CPZ: variants seen among roughly 807,000 people sequenced by gnomAD.
CPZ encodes the protein VEZT/CPZ fusion.
A neutral mutation model predicts 61.8 loss-of-function variants in CPZ; 103 were observed. That is an observed-to-expected ratio of 1.67 (90% confidence interval 1.42 to 1.96). CPZ has a LOEUF of 1.96. CPZ is among the 30% of genes most tolerant of loss of function. CPZ has a pLI of 0.00. For missense variants in CPZ, 1,461 were observed against 914.9 expected (o/e 1.60, Z -7.70); for synonymous variants, 551 against 373.7 (o/e 1.47, Z -5.47).
At chr4:8,605,634 T>TATCCATCCATCCATCCACCC (rs953384114) in intron 4 of CPZ, among the ~76,000 whole-genome samples, 1 of 148,570 alleles carries the variant, frequency 6.7e-6, no homozygotes, top group South Asian at 2.1e-4. Flanking sequence ...ATCATTGATA[T>TATCCATCCATCCATCCACCC]ATCCATTCAT....
intron 7 of CPZ, among the ~76,000 whole-genome samples, chr4:8,610,694 G>A (rs918540114): frequency 2.6e-5 from 4 of 152,210 alleles, no homozygotes; most frequent in African/African-American, 4.8e-5. Context: ...CCTGCTATGA[G>A]GCAGGGCAGG....
rs749829009 is a variant in CPZ, at chr4:8,606,763, C to T, written c.933C>T (p.Ser311=). Residue 311 remains serine (S), a synonymous_variant, in exon 6 of 11, where the codon AGC becomes AGT. Coordinates refer to ENST00000360986, the MANE Select transcript of CPZ (RefSeq NM_001014447.3). ...AEGAGYNGWT[S]GRQNAQNLDL... ...GTGCCGGCTACAACGGGTGGACGAG[C>T]GGGAGGCAGAACGCGCAGAACCTGG... 7.4e-6 allele frequency: 12 copies of T among 1,614,020 alleles called. No individual in the cohort carries two copies. The highest frequency in any genetic ancestry group is 4.0e-5 in the African/African-American group (3 of 74,934).
In CPZ at chr4:8,612,028, T is replaced by C. The variant is rs1027714847; in HGVS notation, c.1229T>C (p.Met410Thr). 3.1e-6 allele frequency: 5 copies of C among 1,613,940 alleles called. No individual in the cohort carries two copies. In the South Asian group the frequency reaches 4.4e-5, roughly 14 times the overall value. Reference protein sequence around the residue: ...KMFSPTPDEKMFKLLSRAYAD... With the variant: ...KMFSPTPDEKTFKLLSRAYAD... ...ATCTGAGCCAGGTTTCTTTTCCAGATGTTCAAGCTGCTGTCCAGAGCCTAC... is the reference window on the plus strand; with the variant it reads ...ATCTGAGCCAGGTTTCTTTTCCAGACGTTCAAGCTGCTGTCCAGAGCCTAC... The change falls in exon 8 of 11, where the codon ATG (methionine) becomes ACG (threonine). Residue 410 changes from methionine (M) to threonine (T), a missense_variant and splice_region_variant. Physicochemically the swap from Met to Thr is moderately conservative, Grantham distance 81 (BLOSUM62 -1). Coordinates refer to ENST00000360986, the MANE Select transcript of CPZ (RefSeq NM_001014447.3).
chr4:8,600,536 A>C (rs1714497290), intron 2 of CPZ, among the ~76,000 whole-genome samples: 1 of 152,124 alleles, frequency 6.6e-6, no homozygotes, highest in Non-Finnish European at 1.5e-5. Context: ...GGAGCTAAAC[A>C]AACAGCTGTG....
chr4:8,605,984 C>T lies in CPZ; in HGVS notation c.710-5C>T, dbSNP rs759442100. On this transcript the variant is annotated splice_polypyrimidine_tract_variant and splice_region_variant and intron_variant, in intron 4 of 10. Transcript: ENST00000360986. Reference sequence around the variant, plus strand: ...GATGCCCCAAGTCTCTGTATTTGCCCCCAGTGGAGCCCGAGGTGAAGCTCA... The same window carrying T: ...GATGCCCCAAGTCTCTGTATTTGCCTCCAGTGGAGCCCGAGGTGAAGCTCA... 3 of 1,611,306 alleles carry T rather than the reference C, an allele frequency of 1.9e-6. No individual in the cohort carries two copies. Among genetic ancestry groups the T allele is most frequent in the Non-Finnish European group, 2.5e-6 (3 of 1,177,586 alleles).
At chr4:8,618,988 G>A (rs1371470628) in intron 10 of CPZ, among the ~76,000 whole-genome samples, 2 of 152,132 alleles carry the variant, frequency 1.3e-5, no homozygotes, top group African/African-American at 4.8e-5. Flanking sequence ...CCAGAGAAGA[G>A]GGGGACTTTT....
Position 8,604,197 on chromosome 4 carries a change from C to G in CPZ, c.709+9C>G. 3 of 1,531,838 alleles carry G rather than the reference C, an allele frequency of 2.0e-6. No homozygotes were observed. Among genetic ancestry groups the G allele is most frequent in the Non-Finnish European group, 2.6e-6 (3 of 1,133,646 alleles). 94.9% of individuals were successfully genotyped at this position (1,531,838 alleles called of 1,614,324 possible). ...CGGCCAGCACGAGCTGAGTGAGTGC[C>G]CTTGGGAGAGCCTGGCCTGGCCCCG... On this transcript the variant is annotated intron_variant, in intron 4 of 10. Transcript: ENST00000360986.
chr4:8,618,395 C>T (rs552297031), intron 9 of CPZ, 34 bp from the exon 10 acceptor site: 19 of 1,598,824 alleles, frequency 1.2e-5, no homozygotes, highest in African/African-American at 5.4e-5. Context: ...GGAGAGCTCA[C>T]GCCATCTCCC....
At chr4:8,609,124 T>TCACTCATTTACTCATTCACC (rs1715347370) in intron 7 of CPZ, among the ~76,000 whole-genome samples, 1 of 16,794 alleles carries the variant, frequency 6.0e-5, no homozygotes, top group Admixed American at 7.7e-4. Context: ...ACTCCCTCAC[T>TCACTCATTTACTCATTCACC]CATTCACTCA....
At chr4:8,607,029 G>C in intron 6 of CPZ, 131 bp downstream of exon 6, 1 of 1,179,688 alleles carries the variant, frequency 8.5e-7, no homozygotes, top group Non-Finnish European at 1.2e-6. Context: ...TCAGTTACCT[G>C]TCTGTGAAAT....
At chr4:8,600,131 TA>T (rs1714464252) in intron 2 of CPZ, among the ~76,000 whole-genome samples, 1 of 152,230 alleles carries the variant, frequency 6.6e-6, no homozygotes, top group African/African-American at 2.4e-5. Flanking sequence ...TATTTTATTT[TA>T]TTTTTTATTT....
At chr4:8,615,573 C>G (rs1716094461) in intron 9 of CPZ, among the ~76,000 whole-genome samples, 1 of 152,244 alleles carries the variant, frequency 6.6e-6, no homozygotes, top group Admixed American at 6.5e-5. Flanking sequence ...GCAGCCGGTT[C>G]TGACACCAGG....
At chr4:8,610,958 C>T (rs1298933652) in intron 7 of CPZ, among the ~76,000 whole-genome samples, 1 of 152,234 alleles carries the variant, frequency 6.6e-6, no homozygotes, top group African/African-American at 2.4e-5. Context: ...TTCACTCTGG[C>T]CTGGAGCAAT....
chr4:8,596,630 T>G (rs1018913976), intron 1 of CPZ, among the ~76,000 whole-genome samples: 1 of 152,240 alleles, frequency 6.6e-6, no homozygotes, highest in Non-Finnish European at 1.5e-5. Context: ...TGATGGATCC[T>G]CCAACAGCCC....
At chr4:8,606,252 G>A (rs989827986) in intron 5 of CPZ, 67 bp downstream of exon 5, 12 of 1,465,004 alleles carry the variant, frequency 8.2e-6, no homozygotes, top group African/African-American at 5.6e-5. Context: ...ATCCATTTAT[G>A]AGTAGTTTAT....
In CPZ at chr4:8,604,184, G is replaced by C. The variant is rs747532182; in HGVS notation, c.705G>C (p.Glu235Asp). ...IEFSSRPGQH[E>D]LMEPEVKLIG... ...TCTCCAGCCGCCCCGGCCAGCACGAGCTGAGTGAGTGCCCTTGGGAGAGCC... is the reference window on the plus strand; with the variant it reads ...TCTCCAGCCGCCCCGGCCAGCACGACCTGAGTGAGTGCCCTTGGGAGAGCC... The change falls in exon 4 of 11, where the codon GAG becomes GAC. Residue 235 changes from glutamate to aspartate, a missense_variant. Coordinates refer to ENST00000360986, the MANE Select transcript of CPZ (RefSeq NM_001014447.3). 7.7e-6 allele frequency: 12 copies of C among 1,550,578 alleles called. No individual in the cohort carries two copies. The highest frequency in any genetic ancestry group is 1.0e-5 in the Non-Finnish European group (12 of 1,145,230).
At position 8,619,347 on chromosome 4, in the gene CPZ, G is replaced by C. The variant is rs781673041; in HGVS notation, c.1689G>C (p.Lys563Asn). 38 of 1,614,040 alleles carry C rather than the reference G, an allele frequency of 2.4e-5. No individual in the cohort carries two copies. Among genetic ancestry groups the C allele is most frequent in the Non-Finnish European group, 3.1e-5 (36 of 1,180,016 alleles). ...CCCCTGGCTACGCCAAAGTCATCAAGAAAGTCATCATCCCCGCCCGGATGA... is the reference window on the plus strand; with the variant it reads ...CCCCTGGCTACGCCAAAGTCATCAACAAAGTCATCATCCCCGCCCGGATGA... ...AQAPGYAKVIKKVIIPARMKR... is the reference protein window; with the variant it reads ...AQAPGYAKVINKVIIPARMKR... The change falls in exon 11 of 11, where the codon AAG becomes AAC. Residue 563 changes from lysine (K) to asparagine (N), a missense_variant. Lys to Asn is a moderately conservative substitution (Grantham distance 94, BLOSUM62 0). Transcript: ENST00000360986.
In CPZ at chr4:8,607,356, G is replaced by A. The variant is rs1028411489; in HGVS notation, c.1158G>A (p.Val386=). 1.9e-6 allele frequency: 3 copies of A among 1,614,012 alleles called. No homozygotes were observed. Among genetic ancestry groups the A allele is most frequent in the African/African-American group, 1.3e-5 (1 of 74,934 alleles). ...GCCTTCATGGGGGCGACCTGGTGGT[G>A]TCCTACCCCTTCGACTTCTCCAAGC... ...SASLHGGDLV[V]SYPFDFSKHP... The change falls in exon 7 of 11, where the codon GTG becomes GTA. Residue 386 remains valine, a synonymous_variant. Transcript: ENST00000360986.
At chr4:8,608,277 C>T (rs1009503806) in intron 7 of CPZ, among the ~76,000 whole-genome samples, 1 of 152,160 alleles carries the variant, frequency 6.6e-6, no homozygotes, top group African/African-American at 2.4e-5. Context: ...CCAGGCTTCG[C>T]GTGGAGAGCC....
Sources: gnomAD v4.1 joint callset for allele counts (sites outside exome capture counted in the v4.1 genomes callset) on GRCh38, gnomAD v4.1.1 for gene constraint, MANE v1.5 for transcripts, NCBI Gene and HGNC (gene_info 2026-07-23, HGNC 2026-07-21) for gene names.